The following AGMO variants were observed in gnomAD, a reference collection of about 807,000 sequenced individuals.
AGMO encodes the protein glyceryl-ether monooxygenase.
AGMO carries 75 observed loss-of-function variants against 60.2 expected under a neutral mutation model. The ratio of observed to expected loss-of-function variants is 1.25; its 90% CI spans 1.03 to 1.51. The LOEUF (loss-of-function observed/expected upper bound fraction) is 1.51, where lower values mean the gene tolerates loss of function less well. AGMO is among the 40% of genes most tolerant of loss of function. The pLI, the probability that AGMO is intolerant of heterozygous loss-of-function variation, is 0.00. For missense variants in AGMO, 763 were observed against 525.5 expected, an observed-to-expected ratio of 1.45 and a Z score of -4.42; for synonymous variants, 261 against 177.1, an observed-to-expected ratio of 1.47 and a Z score of -3.76.
rs1232018743 is a variant in AGMO at position 15,560,363 on chromosome 7, C to A, written c.127-92G>T. On this transcript the variant is annotated intron_variant, in intron 1 of 12. Coordinates refer to ENST00000342526, the MANE Select transcript of AGMO (RefSeq NM_001004320.2). ...TTAGTCATTTCAGAATTGAAAGGCC[C>A]AGATTTGGGAAGCCCTGCAGGAGAT... 9 of 1,405,682 alleles carry A rather than the reference C, an allele frequency of 6.4e-6. No individual in the cohort carries two copies. In the South Asian group the frequency reaches 1.1e-4, roughly 17 times the overall value. 87.1% of individuals were successfully genotyped at this position (1,405,682 alleles called of 1,614,324 possible).
intron 3 of AGMO, among the ~76,000 whole-genome samples, chr7:15,469,230 A>AT (rs907400962): frequency 1.5e-4 from 23 of 149,892 alleles, no homozygotes; most frequent in African/African-American, 3.4e-4. Context: ...TAACAGGACT[A>AT]TTTTTTTTTT....
chr7:15,467,849 T>C (rs1245635595), intron 3 of AGMO, among the ~76,000 whole-genome samples: 2 of 152,132 alleles, frequency 1.3e-5, no homozygotes, highest in African/African-American at 4.8e-5. Context: ...AGTGACTTCA[T>C]ATGCCCCGGT....
intron 12 of AGMO, among the ~76,000 whole-genome samples, chr7:15,230,251 A>G (rs547969558): frequency 1.5e-4 from 23 of 152,142 alleles, no homozygotes; most frequent in Non-Finnish European, 2.1e-4. Flanking sequence ...AAACCAGACA[A>G]AAGCCCTTTT....
intron 8 of AGMO, 38 bp downstream of exon 8, chr7:15,390,633 G>A: frequency 7.1e-7 from 1 of 1,402,872 alleles, no homozygotes; most frequent in Non-Finnish European, 9.9e-7. Context: ...TTTATGAAAT[G>A]ATATAAATGA....
At position 15,561,748 on chromosome 7, in the gene AGMO, A is replaced by C; in HGVS notation, c.98T>G (p.Leu33Ter). Residue 33 changes from leucine (L) to a stop codon, truncating the protein, a stop_gained, in exon 1 of 13, where the codon TTA (leucine) becomes TGA (stop). Transcript: ENST00000342526. LOFTEE classifies it high-confidence loss of function. ...MKPSETSFQT[L>*]EEVPDYVKKA... is the part of the protein sequence containing the mutation. Reference sequence around the variant, plus strand: ...TTTTACATAATCAGGCACCTCTTCTAATGTTTGGAATGAAGTTTCACTGGG... The same window carrying C: ...TTTTACATAATCAGGCACCTCTTCTCATGTTTGGAATGAAGTTTCACTGGG... The C allele has an allele frequency of 6.2e-7, 1 of 1,611,694 alleles. No homozygotes were observed. The highest frequency in any genetic ancestry group is 8.5e-7 in the Non-Finnish European group (1 of 1,178,516).
chr7:15,493,334 A>AACACACACACACACACACAC (rs144549105), intron 3 of AGMO, among the ~76,000 whole-genome samples: 1 of 70,380 alleles, frequency 1.4e-5, no homozygotes, highest in Non-Finnish European at 2.5e-5. Flanking sequence ...AAACACACAA[A>AACACACACACACACACACAC]ACACACACAC....
At chr7:15,136,135 AG>A in the AGMO span, among the ~76,000 whole-genome samples, 1 of 151,910 alleles carries the variant, frequency 6.6e-6, no homozygotes, top group Non-Finnish European at 1.5e-5. Context: ...CTGGGATTAC[AG>A]GCATGTGCCA....
the AGMO span, among the ~76,000 whole-genome samples, chr7:15,117,323 C>G: frequency 1.3e-5 from 2 of 152,036 alleles, no homozygotes; most frequent in East Asian, 3.9e-4. Context: ...TTATTAGGAT[C>G]ATGTAACCGA....
intron 12 of AGMO, among the ~76,000 whole-genome samples, chr7:15,311,525 C>T (rs1234575995): frequency 6.6e-6 from 1 of 152,110 alleles, no homozygotes; most frequent in Non-Finnish European, 1.5e-5. Context: ...GCAAACCAAT[C>T]CGGGCTCAGA....
chr7:15,364,453 T>C (rs973179094), intron 12 of AGMO, among the ~76,000 whole-genome samples: 2 of 152,068 alleles, frequency 1.3e-5, no homozygotes, highest in African/African-American at 4.8e-5. Flanking sequence ...AAGGGTTTCT[T>C]GTGTTATTAT....
Position 15,201,101 on chromosome 7 carries a change from C to T in AGMO, c.*184G>A, listed in dbSNP as rs548705604. The T allele has an allele frequency of 3.1e-4, 134 of 426,854 alleles. No homozygotes were observed. Among genetic ancestry groups the T allele is most frequent in the Non-Finnish European group, 4.8e-4 (119 of 245,942 alleles). The allele number at this position is 426,854 out of a possible 1,614,324, so 26.4% of individuals were successfully genotyped here. ...TAGTAAAGGGGGGAAGTAACCAAAA[C>T]TGACTTTAATTTTTAATAGAAAATA... is the stretch of plus-strand genomic sequence containing the variant. On this transcript the variant is annotated 3_prime_UTR_variant, in exon 13 of 13. Coordinates refer to ENST00000342526, the MANE Select transcript of AGMO (RefSeq NM_001004320.2).
the AGMO span, among the ~76,000 whole-genome samples, chr7:15,170,958 G>A: frequency 6.6e-6 from 1 of 151,928 alleles, no homozygotes; most frequent in African/African-American, 2.4e-5. Context: ...TTAGACTTTG[G>A]TTGTGGTTTT....
At chr7:15,480,793 G>T (rs970732809) in intron 3 of AGMO, among the ~76,000 whole-genome samples, 2 of 152,052 alleles carry the variant, frequency 1.3e-5, no homozygotes, top group Non-Finnish European at 2.9e-5. Flanking sequence ...CTACAGGAAA[G>T]TGACAATGAT....
chr7:15,524,082 G>C (rs1313049882), intron 3 of AGMO, among the ~76,000 whole-genome samples: 3 of 151,868 alleles, frequency 2.0e-5, no homozygotes, highest in African/African-American at 7.3e-5. Context: ...ATATGACATA[G>C]CAAATAATTA....
intron 12 of AGMO, among the ~76,000 whole-genome samples, chr7:15,342,831 TTATGACTA>T (rs1317723211): frequency 7.1e-6 from 1 of 141,420 alleles, no homozygotes; most frequent in African/African-American, 2.6e-5. Context: ...CCTCTACAAC[TTATGACTA>T]TATGACATTG....
At chr7:15,222,567 T>C (rs369244484) in intron 12 of AGMO, among the ~76,000 whole-genome samples, 1 of 152,202 alleles carries the variant, frequency 6.6e-6, no homozygotes. Flanking sequence ...ACCATACCTG[T>C]ATATTTCTTT....
chr7:15,192,737 A>G, the AGMO span, among the ~76,000 whole-genome samples: 4 of 152,080 alleles, frequency 2.6e-5, no homozygotes, highest in Admixed American at 1.3e-4. Flanking sequence ...CCAGCGCCCA[A>G]AAGTGCCCGC....
chr7:15,210,638 C>T (rs73679443), intron 12 of AGMO, among the ~76,000 whole-genome samples: 295 of 152,160 alleles, frequency 1.9e-3, no homozygotes, highest in African/African-American at 6.6e-3. Context: ...TCCTGTATAA[C>T]GGAGTGATAT....
intron 3 of AGMO, among the ~76,000 whole-genome samples, chr7:15,519,563 AT>A (rs1783922896): frequency 6.6e-6 from 1 of 152,204 alleles, no homozygotes; most frequent in South Asian, 2.1e-4. Flanking sequence ...ACTAAGCTTC[AT>A]AAGTGAAGAA....
Sources: allele counts gnomAD v4.1 joint callset (sites outside exome capture counted in the v4.1 genomes callset), GRCh38; gene constraint gnomAD v4.1.1; transcripts MANE v1.5; gene names NCBI Gene and HGNC (gene_info 2026-07-23, HGNC 2026-07-21).